The following ANKS1B variants were observed in gnomAD, a reference collection of about 807,000 sequenced individuals.
The protein encoded by ANKS1B is ankyrin repeat and sterile alpha motif domain-containing protein 1B.
Under a neutral mutation model 148.3 loss-of-function variants are expected in ANKS1B, and 36 were observed. The observed-to-expected ratio is 0.24, with a 90% CI of 0.19 to 0.32. The LOEUF (loss-of-function observed/expected upper bound fraction) is 0.32. Among genes scored for constraint, ANKS1B ranks in the 10% least tolerant of loss-of-function variants. The pLI is 1.00. For synonymous variants in ANKS1B, 542 were observed against 560.8 expected (o/e 0.97, Z 0.47); for missense variants, 1,157 against 1,542.6 (o/e 0.75, Z 4.19).
chr12:98,765,208 T>C (rs1281851439), intron 25 of ANKS1B, among the ~76,000 whole-genome samples: 3 of 152,218 alleles, frequency 2.0e-5, no homozygotes, highest in South Asian at 2.1e-4. Flanking sequence ...GCAATCACCA[T>C]AGGAGGTGTC....
intron 9 of ANKS1B, among the ~76,000 whole-genome samples, chr12:99,546,308 TAAGA>T (rs1338562454): frequency 6.6e-6 from 1 of 152,306 alleles, no homozygotes; most frequent in East Asian, 1.9e-4. Flanking sequence ...AGGGCTAACT[TAAGA>T]AAGACATGCT....
chr12:98,784,176 C>T (rs1012610858), intron 22 of ANKS1B, among the ~76,000 whole-genome samples: 1 of 152,098 alleles, frequency 6.6e-6, no homozygotes, highest in Non-Finnish European at 1.5e-5. Context: ...GTGGAGATAT[C>T]CAGTAGGAAA....
intron 17 of ANKS1B, among the ~76,000 whole-genome samples, chr12:98,842,931 A>C (rs1227619311): frequency 6.6e-6 from 1 of 152,234 alleles, no homozygotes; most frequent in African/African-American, 2.4e-5. Context: ...TAATCCTCCA[A>C]GTCATAACAC....
chr12:99,132,756 T>C lies in ANKS1B; in HGVS notation c.2526+21533A>G, dbSNP rs533852915. Among the ~76,000 whole-genome samples, 5 of 152,342 alleles carry C rather than the reference T, an allele frequency of 3.3e-5. No individual in the cohort carries two copies. In the South Asian group the frequency reaches 1.0e-3, roughly 32 times the overall value. ...CTTCTCTGAGCCTTAGTCTTCTTTT[T>C]GCTTGTCTATTAATATAGTGTTATC... is the stretch of plus-strand genomic sequence containing the variant. On this transcript the variant is annotated intron_variant, in intron 15 of 26. Coordinates refer to ENST00000683438, the MANE Select transcript of ANKS1B (RefSeq NM_001352186.2).
chr12:99,222,254 G>A (rs1022644603), intron 14 of ANKS1B, among the ~76,000 whole-genome samples: 58 of 152,250 alleles, frequency 3.8e-4, no homozygotes, highest in African/African-American at 1.2e-3. Context: ...GGGTATCTGA[G>A]GTAATAGGTA....
At chr12:99,721,505 C>A (rs890622544) in intron 8 of ANKS1B, among the ~76,000 whole-genome samples, 8 of 152,108 alleles carry the variant, frequency 5.3e-5, no homozygotes, top group African/African-American at 7.2e-5. Context: ...GCTCATCCTG[C>A]CTCAAAAGCT....
intron 1 of ANKS1B, among the ~76,000 whole-genome samples, chr12:99,897,300 G>T (rs1168523030): frequency 1.3e-5 from 2 of 151,026 alleles, no homozygotes; most frequent in East Asian, 3.9e-4. Context: ...TATTCAAAAT[G>T]GAAGCATCTA....
At chr12:98,813,369 AC>A (rs1175580428) in intron 19 of ANKS1B, among the ~76,000 whole-genome samples, 1 of 96,222 alleles carries the variant, frequency 1.0e-5, no homozygotes, top group Admixed American at 1.5e-4. Context: ...GCACCACTTC[AC>A]CTATTTTTTT....
chr12:99,774,016 A>C (rs959233397), intron 7 of ANKS1B, among the ~76,000 whole-genome samples: 2 of 152,156 alleles, frequency 1.3e-5, no homozygotes, highest in African/African-American at 4.8e-5. Context: ...CAGTATAAAG[A>C]CTGGAACATT....
intron 9 of ANKS1B, among the ~76,000 whole-genome samples, chr12:99,572,416 G>C (rs1264245032): frequency 3.3e-5 from 5 of 151,920 alleles, no homozygotes; most frequent in Non-Finnish European, 1.5e-5. Flanking sequence ...TCTTATGCCA[G>C]GCAGTCCAGT....
intron 9 of ANKS1B, among the ~76,000 whole-genome samples, chr12:99,626,984 C>T (rs1046018425): frequency 6.6e-6 from 1 of 152,040 alleles, no homozygotes; most frequent in Admixed American, 6.6e-5. Flanking sequence ...AAATAATAGA[C>T]ACCACTTTCC....
chr12:99,390,483 T>C (rs1383726526), intron 12 of ANKS1B, among the ~76,000 whole-genome samples: 5 of 152,166 alleles, frequency 3.3e-5, no homozygotes, highest in Admixed American at 3.3e-4. Flanking sequence ...TTCTGGAGAA[T>C]TTCAAAACGG....
At chr12:99,392,840 C>T (rs2094120474) in intron 12 of ANKS1B, among the ~76,000 whole-genome samples, 1 of 141,516 alleles carries the variant, frequency 7.1e-6, no homozygotes. Context: ...TCCCACCCTA[C>T]CCTCCCTCAC....
In ANKS1B at chr12:98,956,392, C is replaced by T. The variant is rs200642595; in HGVS notation, c.2778+96765G>A. On this transcript the variant is annotated intron_variant, in intron 17 of 26. Transcript: ENST00000683438. Reference sequence around the variant, plus strand: ...CTCCAATCGATCCTTCACATAGCTCCCAGAGTGATTTTCTAAAATGTAAAT... The same window carrying T: ...CTCCAATCGATCCTTCACATAGCTCTCAGAGTGATTTTCTAAAATGTAAAT... 5 of 152,264 alleles carry T rather than the reference C, an allele frequency of 3.3e-5. No homozygotes were observed. The East Asian group carries it at 9.7e-4, about 29-fold the overall frequency. 9.4% of individuals were successfully genotyped at this position (152,264 alleles called of 1,614,324 possible). A position where few individuals can be genotyped will look rare whatever the true frequency, so the allele number is the denominator to read the frequency against.
intron 9 of ANKS1B, among the ~76,000 whole-genome samples, chr12:99,620,032 C>T (rs563842359): frequency 6.6e-6 from 1 of 152,230 alleles, no homozygotes; most frequent in South Asian, 2.1e-4. Context: ...GCTACGGTGG[C>T]CTCAGCTGGC....
intron 3 of ANKS1B, among the ~76,000 whole-genome samples, chr12:99,809,724 T>C (rs184579444): frequency 6.6e-6 from 1 of 152,216 alleles, no homozygotes; most frequent in African/African-American, 2.4e-5. Context: ...AAACTTTAAA[T>C]ATTAAAATGT....
At chr12:99,280,192 A>G (rs1566798238) in intron 12 of ANKS1B, among the ~76,000 whole-genome samples, 8 of 150,926 alleles carry the variant, frequency 5.3e-5, no homozygotes. Flanking sequence ...GTGTACGTGC[A>G]TGTGTGTGTG....
At chr12:98,752,944 A>G (rs1366608221) in intron 25 of ANKS1B, among the ~76,000 whole-genome samples, 1 of 152,122 alleles carries the variant, frequency 6.6e-6, no homozygotes, top group Non-Finnish European at 1.5e-5. Flanking sequence ...CCTAGAGGAG[A>G]GGCATTAGTC....
At chr12:98,834,522 G>T (rs544151337) in intron 17 of ANKS1B, among the ~76,000 whole-genome samples, 1 of 152,170 alleles carries the variant, frequency 6.6e-6, no homozygotes, top group African/African-American at 2.4e-5. Flanking sequence ...TAGGAGGGAT[G>T]ATTTGAGTTA....
Sources: allele counts gnomAD v4.1 joint callset (sites outside exome capture counted in the v4.1 genomes callset), GRCh38; gene constraint gnomAD v4.1.1; transcripts MANE v1.5; gene names NCBI Gene and HGNC (gene_info 2026-07-23, HGNC 2026-07-21).